The following MDGA2 variants were observed in gnomAD, a reference collection of about 807,000 sequenced individuals.
MDGA2 encodes the protein MAM domain containing glycosylphosphatidylinositol anchor 2.
A neutral mutation model predicts 117.8 loss-of-function variants in MDGA2; 40 were observed. That is an observed-to-expected ratio of 0.34 (90% CI 0.26 to 0.44). The LOEUF (loss-of-function observed/expected upper bound fraction) is 0.44, where lower values mean the gene tolerates loss of function less well. MDGA2 is among the 20% of genes least tolerant of loss of function. The pLI, the probability that MDGA2 is intolerant of heterozygous loss-of-function variation, is 1.00. For synonymous variants in MDGA2, 452 were observed against 439.0 expected (o/e 1.03, Z -0.37); for missense variants, 1,123 against 1,250.6 (o/e 0.90, Z 1.54).
chr14:46,911,181 G>C (rs1012939374), intron 10 of MDGA2, among the ~76,000 whole-genome samples: 1 of 152,192 alleles, frequency 6.6e-6, no homozygotes, highest in Admixed American at 6.5e-5. Context: ...TAATGCCTAT[G>C]ATATCTAAAC....
intron 1 of MDGA2, among the ~76,000 whole-genome samples, chr14:47,531,669 C>A (rs1313473260): frequency 6.6e-6 from 1 of 152,142 alleles, no homozygotes; most frequent in Non-Finnish European, 1.5e-5. Context: ...AGTATTCTTT[C>A]ATCTTAGTCG....
At chr14:46,842,396 C>T (rs183665162) in intron 16 of MDGA2, among the ~76,000 whole-genome samples, 9 of 151,016 alleles carry the variant, frequency 6.0e-5, no homozygotes, top group Admixed American at 5.3e-4. Flanking sequence ...TCAAGCTTCC[C>T]GAAGTGGATA....
intron 3 of MDGA2, among the ~76,000 whole-genome samples, chr14:47,214,287 C>G (rs988119739): frequency 2.0e-5 from 3 of 152,060 alleles, no homozygotes; most frequent in Non-Finnish European, 4.4e-5. Flanking sequence ...GAAATATTTG[C>G]ATAAATAACC....
chr14:47,635,685 C>T (rs1326177459), intron 1 of MDGA2, among the ~76,000 whole-genome samples: 2 of 152,090 alleles, frequency 1.3e-5, no homozygotes, highest in African/African-American at 2.4e-5. Flanking sequence ...AATCTGTCTT[C>T]AGAGAAAACA....
chr14:47,084,919 G>A (rs928672712), intron 6 of MDGA2, among the ~76,000 whole-genome samples: 3 of 144,242 alleles, frequency 2.1e-5, no homozygotes, highest in African/African-American at 7.9e-5. Flanking sequence ...TGGTATTTTT[G>A]TTACAGGAAC....
intron 1 of MDGA2, among the ~76,000 whole-genome samples, chr14:47,486,972 T>G (rs979496373): frequency 1.3e-5 from 2 of 152,240 alleles, no homozygotes; most frequent in African/African-American, 4.8e-5. Context: ...TGTTTTCCTT[T>G]ATCATTCTTA....
chr14:47,123,180 T>G (rs757136067), intron 5 of MDGA2, among the ~76,000 whole-genome samples: 47 of 152,036 alleles, frequency 3.1e-4, no homozygotes, highest in Non-Finnish European at 5.9e-4. Flanking sequence ...GAGTTACTAG[T>G]TTATGGGGTA....
intron 2 of MDGA2, among the ~76,000 whole-genome samples, chr14:47,255,982 C>T (rs1887604214): frequency 6.6e-6 from 1 of 152,036 alleles, no homozygotes; most frequent in African/African-American, 2.4e-5. Flanking sequence ...ATCTTCCCTT[C>T]CCCTACCCCA....
At chr14:47,655,580 T>C (rs1566561156) in intron 1 of MDGA2, among the ~76,000 whole-genome samples, 1 of 152,124 alleles carries the variant, frequency 6.6e-6, no homozygotes, top group Non-Finnish European at 1.5e-5. Flanking sequence ...TGTAGGAGTC[T>C]ATGGCCTGAG....
intron 9 of MDGA2, among the ~76,000 whole-genome samples, chr14:46,942,298 A>G (rs1417965221): frequency 6.6e-6 from 1 of 152,230 alleles, no homozygotes; most frequent in Admixed American, 6.5e-5. Context: ...AATTACATAC[A>G]TTATAACATT....
intron 9 of MDGA2, among the ~76,000 whole-genome samples, chr14:46,939,665 G>A (rs551787651): frequency 7.9e-5 from 12 of 152,178 alleles, no homozygotes; most frequent in African/African-American, 2.9e-4. Flanking sequence ...GTATTTGTCA[G>A]GCACCATGCT....
intron 2 of MDGA2, among the ~76,000 whole-genome samples, chr14:47,235,754 TC>T (rs1180849136): frequency 6.6e-6 from 1 of 152,188 alleles, no homozygotes; most frequent in Non-Finnish European, 1.5e-5. Flanking sequence ...CCATTGCCAT[TC>T]CCTGATGGGA....
chr14:46,983,810 T>G (rs991315960), intron 8 of MDGA2, among the ~76,000 whole-genome samples: 4 of 152,050 alleles, frequency 2.6e-5, no homozygotes, highest in African/African-American at 9.7e-5. Context: ...AGTGAGAATT[T>G]TGATTAATTC....
chr14:47,502,988 T>C (rs1286305426), intron 1 of MDGA2, among the ~76,000 whole-genome samples: 1 of 152,132 alleles, frequency 6.6e-6, no homozygotes, highest in African/African-American at 2.4e-5. Context: ...TAAACGATAC[T>C]TTTTAATATA....
chr14:47,198,270 C>T (rs1885360501), intron 3 of MDGA2, among the ~76,000 whole-genome samples: 1 of 152,080 alleles, frequency 6.6e-6, no homozygotes, highest in African/African-American at 2.4e-5. Flanking sequence ...TCTACTTTAA[C>T]TTGTTTAAAA....
chr14:47,064,962 T>C (rs1253788189), intron 6 of MDGA2, among the ~76,000 whole-genome samples: 8 of 152,044 alleles, frequency 5.3e-5, no homozygotes, highest in African/African-American at 1.9e-4. Context: ...CTAAACAAAT[T>C]CTATGGAAAA....
At chr14:47,339,036 T>C (rs1447532093) in intron 1 of MDGA2, among the ~76,000 whole-genome samples, 2 of 152,010 alleles carry the variant, frequency 1.3e-5, no homozygotes, top group Non-Finnish European at 2.9e-5. Context: ...AAGAAAAAAA[T>C]GTGTCTATTT....
At chr14:47,135,480 A>G in intron 4 of MDGA2, among the ~76,000 whole-genome samples, 1 of 152,202 alleles carries the variant, frequency 6.6e-6, no homozygotes, top group East Asian at 1.9e-4. Context: ...AATGTTTGCT[A>G]GCATACATTA....
intron 1 of MDGA2, among the ~76,000 whole-genome samples, chr14:47,595,603 G>A (rs1447359039): frequency 6.7e-6 from 1 of 148,242 alleles, no homozygotes; most frequent in Non-Finnish European, 1.5e-5. Flanking sequence ...ATCCTACTAT[G>A]TTTTTAGCTG....
Sources: gnomAD v4.1 joint callset for allele counts (sites outside exome capture counted in the v4.1 genomes callset) on GRCh38, gnomAD v4.1.1 for gene constraint, MANE v1.5 for transcripts, NCBI Gene and HGNC (gene_info 2026-07-23, HGNC 2026-07-21) for gene names.